Variants in ODF2L observed in about 807,000 individuals in gnomAD.
ODF2L encodes protein BCAP.
ODF2L carries 76 observed loss-of-function variants against 86.3 expected under a neutral mutation model. The observed-to-expected ratio is 0.88, with a 90% CI of 0.73 to 1.07. ODF2L has a LOEUF of 1.07. Ranked by LOEUF, ODF2L falls within the 50% of genes least tolerant of loss-of-function variation. ODF2L has a pLI of 0.00. For missense variants in ODF2L, 748 were observed against 717.4 expected (o/e 1.04, Z -0.49); for synonymous variants, 241 against 231.3 (o/e 1.04, Z -0.38).
chr1:86,385,010 T>G (rs1018362448), intron 3 of ODF2L, among the ~76,000 whole-genome samples: 9 of 151,974 alleles, frequency 5.9e-5, no homozygotes, highest in African/African-American at 1.9e-4. Flanking sequence ...AGAGCTTAGA[T>G]TCTAAAAGCA....
rs570433911 is a variant in ODF2L, at chr1:86,383,077, G to A, written c.435+57C>T. On this transcript the variant is annotated intron_variant, in intron 5 of 17. Transcript: ENST00000317336. ...TTGGCTAACTTTATAAAACCAAGCA[G>A]CATGCAAATAACAATGACAGGAAGA... The A allele has an allele frequency of 1.9e-4, 243 of 1,292,504 alleles. 1 individual carries two copies. In the East Asian group the frequency reaches 4.9e-3, roughly 26 times the overall value. 80.1% of individuals were successfully genotyped at this position (1,292,504 alleles called of 1,614,324 possible).
Position 86,352,116 on chromosome 1 carries a change from T to G in ODF2L, c.*75A>C, listed in dbSNP as rs1314470247. ...GATGGCAATAAAATCAAATTGTGCA[T>G]GCCAAAAATCATTTAACTCTTGAAT... On this transcript the variant is annotated 3_prime_UTR_variant, in exon 18 of 18. Coordinates refer to ENST00000317336, the Ensembl canonical transcript of ODF2L. The G allele has an allele frequency of 4.1e-6, 6 of 1,464,304 alleles. No homozygotes were observed. The Admixed American group carries it at 1.2e-4, about 29-fold the overall frequency. 90.7% of individuals were successfully genotyped at this position (1,464,304 alleles called of 1,614,324 possible).
intron 8 of ODF2L, among the ~76,000 whole-genome samples, chr1:86,374,753 A>G (rs1660054941): frequency 6.6e-6 from 1 of 152,180 alleles, no homozygotes; most frequent in Non-Finnish European, 1.5e-5. Flanking sequence ...ACCAAAGACC[A>G]CAGACGTTTA....
chr1:86,392,007 A>T (rs77590878), intron 1 of ODF2L, among the ~76,000 whole-genome samples: 5,795 of 152,194 alleles, frequency 0.038, 178 homozygotes, highest in African/African-American at 0.08. Context: ...AAGAAAAAAA[A>T]TCCCATCAAA....
At chr1:86,373,677 G>A (rs1275898376) in intron 8 of ODF2L, among the ~76,000 whole-genome samples, 1 of 151,894 alleles carries the variant, frequency 6.6e-6, no homozygotes, top group Non-Finnish European at 1.5e-5. Context: ...AGAGGAGAAA[G>A]CCCCTGTGAT....
chr1:86,389,415 C>G (rs1042271218), intron 1 of ODF2L, among the ~76,000 whole-genome samples: 1 of 151,884 alleles, frequency 6.6e-6, no homozygotes, highest in Non-Finnish European at 1.5e-5. Flanking sequence ...AGGTTCATAG[C>G]CTTAAATGCC....
intron 2 of ODF2L, chr1:86,386,452 C>T (rs988181336): frequency 1.3e-5 from 2 of 152,948 alleles, no homozygotes; most frequent in Admixed American, 1.3e-4. Flanking sequence ...GTGGCATTAT[C>T]TCGGCTCACT....
intron 11 of ODF2L, among the ~76,000 whole-genome samples, chr1:86,365,721 G>C (rs1659358532): frequency 6.6e-6 from 1 of 152,188 alleles, no homozygotes; most frequent in Non-Finnish European, 1.5e-5. Context: ...CTGGAAAACT[G>C]ATGACTGACT....
intron 1 of ODF2L, among the ~76,000 whole-genome samples, chr1:86,391,475 G>A (rs1029417010): frequency 6.6e-6 from 1 of 152,146 alleles, no homozygotes; most frequent in Non-Finnish European, 1.5e-5. Flanking sequence ...TATAAAAATA[G>A]GCACATAGAC....
At chr1:86,373,790 C>T (rs1425296410) in intron 8 of ODF2L, among the ~76,000 whole-genome samples, 1 of 152,006 alleles carries the variant, frequency 6.6e-6, no homozygotes, top group African/African-American at 2.4e-5. Context: ...TAGAGGTCAC[C>T]CCATCAGCCT....
At chr1:86,382,867 G>A (rs1046246394) in intron 6 of ODF2L, 64 bp downstream of exon 6, 3 of 794,526 alleles carry the variant, frequency 3.8e-6, no homozygotes, top group South Asian at 3.0e-5. Flanking sequence ...GGGCCAGGAT[G>A]GGAAAAAAAA....
chr1:86,372,321 C>T (rs1387535807), intron 9 of ODF2L, 110 bp downstream of exon 9: 6 of 457,402 alleles, frequency 1.3e-5, no homozygotes, highest in Admixed American at 4.2e-5. Flanking sequence ...ATATAGGTAG[C>T]ACCTTTACCA....
intron 6 of ODF2L, among the ~76,000 whole-genome samples, chr1:86,382,639 C>T (rs1342743653): frequency 6.6e-6 from 1 of 151,932 alleles, no homozygotes; most frequent in Non-Finnish European, 1.5e-5. Flanking sequence ...CTCCTACAAA[C>T]ACTAAAATTC....
chr1:86,381,245 C>T (rs1014385868), intron 7 of ODF2L, among the ~76,000 whole-genome samples: 13 of 152,062 alleles, frequency 8.5e-5, no homozygotes, highest in Non-Finnish European at 1.2e-4. Flanking sequence ...ATAACCACTA[C>T]GCTTTAAGAT....
chr1:86,356,454 A>G lies in ODF2L; in HGVS notation c.1508T>C (p.Leu503Pro), dbSNP rs1194009051. The stretch of plus-strand genomic sequence containing the variant: ...AGGACGGCTGGACACCTGGCCCTGA[A>G]GCTCCCTAATGGTGTGTTCCTGGTC... Residue 503 changes from leucine to proline, a missense_variant, in exon 14 of 18, where the codon CTT (leucine) becomes CCT (proline). Physicochemically the swap from Leu to Pro is moderately conservative, Grantham distance 98. Coordinates refer to ENST00000317336, the Ensembl canonical transcript of ODF2L. 1.9e-6 allele frequency: 3 copies of G among 1,601,086 alleles called. No individual in the cohort carries two copies. In the African/African-American group the frequency reaches 4.0e-5, roughly 21 times the overall value.
chr1:86,357,283 T>C (rs1473106168), intron 13 of ODF2L, among the ~76,000 whole-genome samples: 1 of 151,844 alleles, frequency 6.6e-6, no homozygotes, highest in Non-Finnish European at 1.5e-5. Context: ...ACTCTTTCCC[T>C]GAGACAGGAA....
At chr1:86,393,846 G>A (rs1389724523) in intron 1 of ODF2L, among the ~76,000 whole-genome samples, 1 of 152,174 alleles carries the variant, frequency 6.6e-6, no homozygotes, top group Non-Finnish European at 1.5e-5. Context: ...ACACAGTGGG[G>A]AGCATAGATT....
At chr1:86,360,100 A>G (rs1195122391) in intron 12 of ODF2L, among the ~76,000 whole-genome samples, 1 of 152,192 alleles carries the variant, frequency 6.6e-6, no homozygotes, top group Non-Finnish European at 1.5e-5. Flanking sequence ...AATCTAAATC[A>G]ATACCATTAA....
intron 11 of ODF2L, among the ~76,000 whole-genome samples, chr1:86,365,572 G>T (rs1378552347): frequency 6.6e-6 from 1 of 152,182 alleles, no homozygotes; most frequent in Non-Finnish European, 1.5e-5. Flanking sequence ...TTTAACTTCT[G>T]CTGGAGAACT....
Sources: allele counts gnomAD v4.1 joint callset (sites outside exome capture counted in the v4.1 genomes callset), GRCh38; gene constraint gnomAD v4.1.1; transcripts MANE v1.5; gene names NCBI Gene and HGNC (gene_info 2026-07-23, HGNC 2026-07-21).